The following KCNT2 variants were observed in gnomAD, a reference collection of about 807,000 sequenced individuals.
The protein encoded by KCNT2 is potassium channel subfamily T member 2.
KCNT2 carries 67 observed loss-of-function variants against 153.8 expected under a neutral mutation model. That is an observed-to-expected ratio of 0.44 (90% confidence interval 0.36 to 0.53). KCNT2 has a LOEUF of 0.53. Among genes scored for constraint, KCNT2 ranks in the 20% least tolerant of loss-of-function variants. The pLI is 0.00. For missense variants in KCNT2, 975 were observed against 1,354.8 expected (o/e 0.72, Z 4.40); for synonymous variants, 500 against 458.8 (o/e 1.09, Z -1.15).
At chr1:196,454,295 GT>G (rs1330749884) in intron 8 of KCNT2, among the ~76,000 whole-genome samples, 1 of 151,896 alleles carries the variant, frequency 6.6e-6, no homozygotes. Context: ...TGATGCTAAG[GT>G]TTGGGGTACA....
chr1:196,526,140 G>A (rs1169567236), intron 1 of KCNT2, among the ~76,000 whole-genome samples: 4 of 151,636 alleles, frequency 2.6e-5, no homozygotes, highest in African/African-American at 9.7e-5. Flanking sequence ...AGACAAGAAT[G>A]CATTGGATCA....
intron 5 of KCNT2, among the ~76,000 whole-genome samples, chr1:196,471,174 T>C (rs1460520520): frequency 1.3e-5 from 2 of 152,108 alleles, no homozygotes; most frequent in African/African-American, 4.8e-5. Flanking sequence ...CCCAAAGTGC[T>C]GGGATTACAG....
chr1:196,600,850 T>C (rs941396672), intron 1 of KCNT2, among the ~76,000 whole-genome samples: 2 of 152,194 alleles, frequency 1.3e-5, no homozygotes, highest in African/African-American at 4.8e-5. Context: ...CTACTCTACA[T>C]AGGCAGAAAT....
chr1:196,231,444 A>T (rs187876730), intron 27 of KCNT2, among the ~76,000 whole-genome samples: 1 of 152,006 alleles, frequency 6.6e-6, no homozygotes, highest in African/African-American at 2.4e-5. Flanking sequence ...ATTAAAACAA[A>T]ATCACAAAAC....
At chr1:196,501,968 A>T (rs1258201527) in intron 1 of KCNT2, among the ~76,000 whole-genome samples, 1 of 152,062 alleles carries the variant, frequency 6.6e-6, no homozygotes, top group Non-Finnish European at 1.5e-5. Context: ...AAATACAAAA[A>T]ACTAGCGGGG....
chr1:196,453,864 C>T (rs1316624022), intron 8 of KCNT2, among the ~76,000 whole-genome samples: 1 of 151,968 alleles, frequency 6.6e-6, no homozygotes, highest in Non-Finnish European at 1.5e-5. Context: ...AAAGCATTAT[C>T]TTTCTCTACT....
At chr1:196,351,687 A>C (rs570503158) in intron 14 of KCNT2, among the ~76,000 whole-genome samples, 45 of 152,038 alleles carry the variant, frequency 3.0e-4, no homozygotes, top group African/African-American at 9.2e-4. Flanking sequence ...CTAATTGAAT[A>C]CCCTTTATTT....
intron 25 of KCNT2, among the ~76,000 whole-genome samples, chr1:196,271,510 G>A (rs1658063090): frequency 6.6e-6 from 1 of 152,028 alleles, no homozygotes; most frequent in South Asian, 2.1e-4. Flanking sequence ...CCTCTTGTTA[G>A]TAAGTGTGCC....
chr1:196,548,387 G>A (rs1221877718), intron 1 of KCNT2, among the ~76,000 whole-genome samples: 1 of 152,034 alleles, frequency 6.6e-6, no homozygotes, highest in Admixed American at 6.6e-5. Context: ...CTTTTATGCA[G>A]CCAAAAAACA....
chr1:196,342,985 T>C (rs1448059417), intron 14 of KCNT2: 3 of 152,152 alleles, frequency 2.0e-5, no homozygotes, highest in Non-Finnish European at 4.4e-5. Flanking sequence ...TTTAAAAAGA[T>C]GCTAAAGAGC....
At chr1:196,246,624 G>A (rs1223101266) in intron 26 of KCNT2, among the ~76,000 whole-genome samples, 1 of 152,018 alleles carries the variant, frequency 6.6e-6, no homozygotes, top group East Asian at 1.9e-4. Flanking sequence ...AAAAAGTGGA[G>A]GATAAAGTTA....
chr1:196,263,062 T>G (rs533847016), intron 25 of KCNT2, among the ~76,000 whole-genome samples: 61 of 152,294 alleles, frequency 4.0e-4, no homozygotes, highest in African/African-American at 1.4e-3. Context: ...GCCAATAATT[T>G]GATGGAATGA....
chr1:196,297,720 A>G lies in KCNT2; in HGVS notation c.2595+7514T>C, dbSNP rs114194797. Among the ~76,000 whole-genome samples the G allele has an allele frequency of 1.6e-3, 240 of 152,268 alleles. 1 individual carries two copies. Among genetic ancestry groups the G allele is most frequent in the African/African-American group, 5.6e-3 (233 of 41,542 alleles). On this transcript the variant is annotated intron_variant, in intron 22 of 27. Coordinates refer to ENST00000294725, the MANE Select transcript of KCNT2 (RefSeq NM_198503.5). ...AACAGGATAAGAATCTTTCTTAATG[A>G]ATCAAACTCAGTGTTGGCAGGTAGC...
At chr1:196,269,919 T>A (rs560619824) in intron 25 of KCNT2, among the ~76,000 whole-genome samples, 2 of 152,242 alleles carry the variant, frequency 1.3e-5, no homozygotes, top group East Asian at 3.9e-4. Flanking sequence ...GTTGTGGTGT[T>A]CAGAAATTTA....
intron 1 of KCNT2, among the ~76,000 whole-genome samples, chr1:196,529,318 T>A (rs1028513784): frequency 3.3e-5 from 5 of 152,138 alleles, no homozygotes; most frequent in African/African-American, 1.2e-4. Flanking sequence ...ATTATAGCCT[T>A]ATCCATGTCA....
intron 13 of KCNT2, among the ~76,000 whole-genome samples, chr1:196,390,170 A>T (rs906196808): frequency 6.6e-6 from 1 of 151,182 alleles, no homozygotes; most frequent in African/African-American, 2.4e-5. Flanking sequence ...ATTTTGGCAT[A>T]TTTTTTTATT....
chr1:196,407,314 C>T (rs575842244), intron 12 of KCNT2, among the ~76,000 whole-genome samples: 2 of 151,468 alleles, frequency 1.3e-5, no homozygotes, highest in African/African-American at 4.8e-5. Flanking sequence ...GTTATCTTGA[C>T]GGCGTGTAAC....
intron 1 of KCNT2, among the ~76,000 whole-genome samples, chr1:196,567,724 TG>T (rs1158874979): frequency 6.6e-6 from 1 of 152,116 alleles, no homozygotes; most frequent in Non-Finnish European, 1.5e-5. Context: ...GAGATAAAGG[TG>T]GTGAAGGACG....
At chr1:196,328,089 G>A (rs1664065134) in intron 18 of KCNT2, among the ~76,000 whole-genome samples, 1 of 152,034 alleles carries the variant, frequency 6.6e-6, no homozygotes, top group Non-Finnish European at 1.5e-5. Flanking sequence ...AATATAAAAT[G>A]AGCACATTTA....
Sources: allele counts gnomAD v4.1 joint callset (sites outside exome capture counted in the v4.1 genomes callset), GRCh38; gene constraint gnomAD v4.1.1; transcripts MANE v1.5; gene names NCBI Gene and HGNC (gene_info 2026-07-23, HGNC 2026-07-21).